Variants in SNTG1 observed in about 807,000 individuals in gnomAD.
SNTG1 encodes the protein gamma-1-syntrophin.
In SNTG1, 39 loss-of-function variants were observed where a neutral mutation model predicts 74.7. That is an observed-to-expected ratio of 0.52 (90% CI 0.40 to 0.68). The LOEUF (loss-of-function observed/expected upper bound fraction) is 0.68, where lower values mean the gene tolerates loss of function less well. Among genes scored for constraint, SNTG1 ranks in the 30% least tolerant of loss-of-function variants. The pLI, the probability that SNTG1 is intolerant of heterozygous loss-of-function variation, is 0.00. For missense variants in SNTG1, 685 were observed against 609.5 expected (o/e 1.12, Z -1.30); for synonymous variants, 254 against 217.1 (o/e 1.17, Z -1.49).
chr8:50,758,852 T>A (rs1259410265), intron 18 of SNTG1, among the ~76,000 whole-genome samples: 1 of 152,170 alleles, frequency 6.6e-6, no homozygotes. Flanking sequence ...ATGGGATTGC[T>A]GGGTCAAATG....
At chr8:50,153,258 G>T (rs541434657) in intron 1 of SNTG1, among the ~76,000 whole-genome samples, 25 of 152,188 alleles carry the variant, frequency 1.6e-4, no homozygotes, top group African/African-American at 5.5e-4. Flanking sequence ...AGCTCCATCA[G>T]GTCATTTAAG....
At chr8:49,913,353 T>C (rs549625505) in intron 1 of SNTG1, among the ~76,000 whole-genome samples, 13 of 152,244 alleles carry the variant, frequency 8.5e-5, no homozygotes, top group Non-Finnish European at 1.9e-4. Context: ...TGTGTAACGA[T>C]AGTAAAATGG....
chr8:50,778,121 C>G (rs201734757), intron 18 of SNTG1, among the ~76,000 whole-genome samples: 2 of 152,020 alleles, frequency 1.3e-5, no homozygotes, highest in African/African-American at 2.4e-5. Flanking sequence ...ATTTGGGTTG[C>G]TTCCAAGTGT....
At chr8:50,183,695 T>C (rs1206844378) in intron 2 of SNTG1, among the ~76,000 whole-genome samples, 1 of 152,162 alleles carries the variant, frequency 6.6e-6, no homozygotes, top group African/African-American at 2.4e-5. Context: ...AGTAGCAAAA[T>C]ATGACTCAAA....
At chr8:50,665,416 G>T (rs1192142947) in intron 15 of SNTG1, among the ~76,000 whole-genome samples, 2 of 152,094 alleles carry the variant, frequency 1.3e-5, no homozygotes, top group Non-Finnish European at 2.9e-5. Context: ...GTTTGTGTGT[G>T]TGTGTGTGTG....
chr8:50,632,727 A>G (rs528101280), intron 13 of SNTG1, among the ~76,000 whole-genome samples: 1 of 152,362 alleles, frequency 6.6e-6, no homozygotes, highest in South Asian at 2.1e-4. Flanking sequence ...AAATATTTTA[A>G]AACTAGTAAG....
chr8:49,963,311 C>T (rs1810859880), intron 1 of SNTG1, among the ~76,000 whole-genome samples: 2 of 152,192 alleles, frequency 1.3e-5, no homozygotes. Context: ...AACAGGAGAT[C>T]AGAAACTAGT....
intron 15 of SNTG1, among the ~76,000 whole-genome samples, chr8:50,670,131 C>T (rs567846265): frequency 2.2e-4 from 33 of 152,120 alleles, no homozygotes; most frequent in African/African-American, 7.7e-4. Context: ...AAAACTGGCA[C>T]AAGACAGGGA....
At chr8:50,325,091 T>C (rs181718313) in intron 2 of SNTG1, among the ~76,000 whole-genome samples, 2 of 149,580 alleles carry the variant, frequency 1.3e-5, no homozygotes, top group Admixed American at 1.3e-4. Flanking sequence ...TATATACATA[T>C]ATAAATATAT....
At chr8:50,507,689 T>C (rs972152573) in intron 9 of SNTG1, among the ~76,000 whole-genome samples, 3 of 152,166 alleles carry the variant, frequency 2.0e-5, no homozygotes, top group Non-Finnish European at 2.9e-5. Flanking sequence ...TTCATTTCTT[T>C]TTTTTTAATT....
intron 13 of SNTG1, among the ~76,000 whole-genome samples, chr8:50,642,988 A>G (rs1409097240): frequency 4.6e-5 from 7 of 152,266 alleles, no homozygotes; most frequent in African/African-American, 7.2e-5. Context: ...CAGGTTACCA[A>G]TCATCTGAAA....
In SNTG1 at chr8:50,348,838, G is replaced by A. The variant is rs138540625; in HGVS notation, c.-27-45374G>A. Among the ~76,000 whole-genome samples the A allele has an allele frequency of 2.9e-3, 442 of 152,246 alleles. 1 individual carries two copies. The highest frequency in any genetic ancestry group is 4.8e-3 in the Non-Finnish European group (324 of 68,020). On this transcript the variant is annotated intron_variant, in intron 2 of 18. Coordinates refer to ENST00000642720, the MANE Select transcript of SNTG1 (RefSeq NM_018967.5). ...ATTTCCATCATCATGTCTATTTTAT[G>A]GACACAAGGTCTAGTTTAAGTTTTG...
intron 1 of SNTG1, among the ~76,000 whole-genome samples, chr8:50,074,704 T>A (rs964156411): frequency 5.3e-5 from 8 of 152,356 alleles, no homozygotes; most frequent in African/African-American, 1.9e-4. Flanking sequence ...GTGACCGTGC[T>A]GGCAGCCCTT....
intron 2 of SNTG1, among the ~76,000 whole-genome samples, chr8:50,325,085 T>C (rs1180016961): frequency 1.3e-5 from 2 of 149,238 alleles, no homozygotes; most frequent in East Asian, 3.9e-4. Context: ...TATGCATATA[T>C]ACATATATAA....
intron 1 of SNTG1, among the ~76,000 whole-genome samples, chr8:50,080,318 T>C (rs900955274): frequency 6.6e-6 from 1 of 152,182 alleles, no homozygotes; most frequent in Non-Finnish European, 1.5e-5. Flanking sequence ...GTATACCATA[T>C]GCTATCCTTT....
At chr8:50,704,875 A>C in intron 16 of SNTG1, 123 bp downstream of exon 16, 1 of 1,103,138 alleles carries the variant, frequency 9.1e-7, no homozygotes, top group Non-Finnish European at 1.3e-6. Context: ...CCTCATATAC[A>C]TTCTATAATT....
intron 18 of SNTG1, among the ~76,000 whole-genome samples, chr8:50,769,021 G>A (rs2095620626): frequency 6.6e-6 from 1 of 151,856 alleles, no homozygotes; most frequent in Non-Finnish European, 1.5e-5. Flanking sequence ...AAACTCCTGG[G>A]AATCACTGAG....
In SNTG1 at chr8:50,785,267, G is replaced by T. The variant is rs576194517; in HGVS notation, c.1396-7404G>T. On this transcript the variant is annotated intron_variant, in intron 18 of 18. Transcript: ENST00000642720. The stretch of plus-strand genomic sequence containing the variant: ...AATCTCAAATTTAGTTTTTTAAAAA[G>T]GTTAACAAGAGTGACAAAACTTTAA... Among the ~76,000 whole-genome samples the T allele has an allele frequency of 2.6e-5, 4 of 151,580 alleles. No homozygotes were observed. In the East Asian group the frequency reaches 7.7e-4, roughly 29 times the overall value.
chr8:49,925,174 T>G lies in SNTG1; in HGVS notation c.-103+12943T>G, dbSNP rs142525364. On this transcript the variant is annotated intron_variant, in intron 1 of 18. Transcript: ENST00000642720. ...TCTCTAAAAAAGTAAATAAATAAAA[T>G]AAACAAATTACAGATGCAGCTATGC... is the stretch of plus-strand genomic sequence containing the variant. 4.8e-4 allele frequency among the ~76,000 whole-genome samples: 73 copies of G among 152,040 alleles called. No homozygotes were observed. In the East Asian group the frequency reaches 0.013, roughly 28 times the overall value.
Sources: gnomAD v4.1 joint callset for allele counts (sites outside exome capture counted in the v4.1 genomes callset) on GRCh38, gnomAD v4.1.1 for gene constraint, MANE v1.5 for transcripts, NCBI Gene and HGNC (gene_info 2026-07-23, HGNC 2026-07-21) for gene names.